Variants in MSI2 observed in about 807,000 individuals in gnomAD.
MSI2 encodes the protein RNA-binding protein Musashi homolog 2.
MSI2 carries 17 observed loss-of-function variants against 45.6 expected under a neutral mutation model. The observed-to-expected ratio is 0.37, with a 90% CI of 0.26 to 0.56. The LOEUF is 0.56. Among genes scored for constraint, MSI2 ranks in the 20% least tolerant of loss-of-function variants. MSI2 has a pLI of 0.77. For synonymous variants in MSI2, 156 were observed against 158.2 expected, an observed-to-expected ratio of 0.99 and a Z score of 0.11; for missense variants, 293 against 444.2, an observed-to-expected ratio of 0.66 and a Z score of 3.06.
chr17:57,699,014 GGAGAGA>G, the MSI2 span, among the ~76,000 whole-genome samples: 2,451 of 23,502 alleles, frequency 0.1, 531 homozygotes, highest in African/African-American at 0.22. Context: ...GAAGAGGCGA[GGAGAGA>G]GAGAGAGAGA....
chr17:57,549,119 C>T (rs976832690), intron 7 of MSI2, among the ~76,000 whole-genome samples: 2 of 152,188 alleles, frequency 1.3e-5, no homozygotes, highest in Non-Finnish European at 2.9e-5. Flanking sequence ...AAGTGATTCT[C>T]CCACCTGGGC....
intron 5 of MSI2, among the ~76,000 whole-genome samples, chr17:57,271,144 C>T (rs1349271554): frequency 6.6e-6 from 1 of 152,182 alleles, no homozygotes; most frequent in African/African-American, 2.4e-5. Context: ...CCGGGGGTAG[C>T]TCTACCAATG....
At chr17:57,327,792 G>A (rs1277858834) in intron 5 of MSI2, among the ~76,000 whole-genome samples, 2 of 152,246 alleles carry the variant, frequency 1.3e-5, no homozygotes, top group East Asian at 3.9e-4. Flanking sequence ...AGTAAAGCTG[G>A]GATATGAGGG....
At chr17:57,520,817 C>T (rs1455532227) in intron 6 of MSI2, among the ~76,000 whole-genome samples, 1 of 72,732 alleles carries the variant, frequency 1.4e-5, no homozygotes, top group African/African-American at 7.3e-5. Flanking sequence ...CGACACCCAA[C>T]TAAATTTTTT....
rs1432245105 is a variant in MSI2 at position 57,462,360 on chromosome 17, G to A, written c.405+60889G>A. ...CCCAGCCATCCACCAGAGATGGACA[G>A]GTGCCTCCTGGGCTGCCAGCCCCTG... On this transcript the variant is annotated intron_variant, in intron 6 of 13. Coordinates refer to ENST00000284073, the MANE Select transcript of MSI2 (RefSeq NM_138962.4). Among the ~76,000 whole-genome samples the A allele has an allele frequency of 3.3e-5, 5 of 152,196 alleles. No homozygotes were observed. In the East Asian group the frequency reaches 9.6e-4, roughly 29 times the overall value.
intron 5 of MSI2, among the ~76,000 whole-genome samples, chr17:57,384,976 C>T (rs1465763133): frequency 6.6e-6 from 1 of 152,184 alleles, no homozygotes; most frequent in African/African-American, 2.4e-5. Context: ...CTTCCCTCTC[C>T]CTCCTTTCTG....
At chr17:57,447,856 C>T (rs151140367) in intron 6 of MSI2, among the ~76,000 whole-genome samples, 57 of 152,268 alleles carry the variant, frequency 3.7e-4, no homozygotes, top group African/African-American at 1.3e-3. Context: ...GGCTATGAAC[C>T]ATGACAGGGG....
chr17:57,442,949 A>G (rs535545812), intron 6 of MSI2, among the ~76,000 whole-genome samples: 2 of 152,108 alleles, frequency 1.3e-5, no homozygotes, highest in South Asian at 4.1e-4. Flanking sequence ...TATACTTACA[A>G]ACCCACCTTG....
chr17:57,489,579 C>A (rs1180303625), intron 6 of MSI2, among the ~76,000 whole-genome samples: 1 of 152,268 alleles, frequency 6.6e-6, no homozygotes, highest in African/African-American at 2.4e-5. Context: ...TACAGCCCAG[C>A]AGCTTTCCCA....
At chr17:57,579,273 C>T (rs541957736) in intron 7 of MSI2, among the ~76,000 whole-genome samples, 1 of 152,250 alleles carries the variant, frequency 6.6e-6, no homozygotes, top group Non-Finnish European at 1.5e-5. Context: ...GGCAGAATGG[C>T]CGTAACATGG....
intron 7 of MSI2, among the ~76,000 whole-genome samples, chr17:57,595,742 G>T (rs1043693143): frequency 2.6e-5 from 4 of 152,140 alleles, no homozygotes; most frequent in Non-Finnish European, 5.9e-5. Context: ...TCGGGGGGCA[G>T]CAAGGGGCAG....
At chr17:57,293,600 TTTTTTTG>T (rs778550052) in intron 5 of MSI2, among the ~76,000 whole-genome samples, 6 of 137,104 alleles carry the variant, frequency 4.4e-5, no homozygotes, top group Admixed American at 6.9e-5. Context: ...TTTTTGTTTT[TTTTTTTG>T]TTTTTTTTTG....
chr17:57,583,438 G>A (rs1598422608), intron 7 of MSI2, among the ~76,000 whole-genome samples: 1 of 151,012 alleles, frequency 6.6e-6, no homozygotes, highest in African/African-American at 2.4e-5. Context: ...ATTTCCAGGT[G>A]ACAAAAATTA....
At chr17:57,526,437 CAG>C (rs1858878917) in intron 6 of MSI2, among the ~76,000 whole-genome samples, 2 of 134,604 alleles carry the variant, frequency 1.5e-5, no homozygotes, top group South Asian at 2.4e-4. Context: ...GAGACAAAGA[CAG>C]AGACCGAGAG....
chr17:57,310,266 G>A (rs1032916443), intron 5 of MSI2, among the ~76,000 whole-genome samples: 5 of 152,184 alleles, frequency 3.3e-5, no homozygotes, highest in East Asian at 1.9e-4. Flanking sequence ...GGTGCACAGG[G>A]CACCTGGGAA....
At chr17:57,538,540 GA>G (rs1409937528) in intron 7 of MSI2, among the ~76,000 whole-genome samples, 2 of 152,260 alleles carry the variant, frequency 1.3e-5, no homozygotes, top group African/African-American at 4.8e-5. Flanking sequence ...AGAGTTAAAT[GA>G]TTCCGCTTGC....
chr17:57,686,805 TAGAG>T (rs140769520), downstream of MSI2, among the ~76,000 whole-genome samples: 14,055 of 152,164 alleles, frequency 0.092, 675 homozygotes, highest in African/African-American at 0.11. Flanking sequence ...AAAATACAGT[TAGAG>T]AGATTAATAT....
At chr17:57,292,402 G>A (rs1446776074) in intron 5 of MSI2, among the ~76,000 whole-genome samples, 1 of 152,192 alleles carries the variant, frequency 6.6e-6, no homozygotes, top group African/African-American at 2.4e-5. Context: ...GACCAGAGCA[G>A]GGGGCAGAGT....
chr17:57,538,301 G>A (rs535715518), intron 7 of MSI2, among the ~76,000 whole-genome samples: 4 of 152,208 alleles, frequency 2.6e-5, no homozygotes, highest in Admixed American at 6.5e-5. Flanking sequence ...GTTCCTAGAG[G>A]GGTCCCGGTT....
Sources: gnomAD v4.1 joint callset for allele counts (sites outside exome capture counted in the v4.1 genomes callset) on GRCh38, gnomAD v4.1.1 for gene constraint, MANE v1.5 for transcripts, NCBI Gene and HGNC (gene_info 2026-07-23, HGNC 2026-07-21) for gene names.